The following DTX2 variants were observed in gnomAD, a reference collection of about 807,000 sequenced individuals.
DTX2 encodes deltex E3 ubiquitin ligase 2.
In DTX2, 29 loss-of-function variants were observed where a neutral mutation model predicts 55.3. The observed-to-expected ratio is 0.52, with a 90% CI of 0.39 to 0.71. The LOEUF (loss-of-function observed/expected upper bound fraction) is 0.71. Ranked by LOEUF, DTX2 falls within the 30% of genes least tolerant of loss-of-function variation. The pLI, the probability that DTX2 is intolerant of heterozygous loss-of-function variation, is 0.00. For missense variants in DTX2, 537 were observed against 822.5 expected (o/e 0.65, Z 4.25); for synonymous variants, 276 against 340.4 (o/e 0.81, Z 2.08).
Position 76,483,163 on chromosome 7 carries a change from G to T in DTX2, c.908+16G>T. The T allele has an allele frequency of 6.2e-7, 1 of 1,603,760 alleles. No homozygotes were observed. On this transcript the variant is annotated intron_variant, in intron 4 of 10. Transcript: ENST00000430490. Reference sequence around the variant, plus strand: ...GTGCAGTCAGGTATCGTGGGCAACGGCCGCTCGTTTTGTCTGCCCTGTGTT... The same window carrying T: ...GTGCAGTCAGGTATCGTGGGCAACGTCCGCTCGTTTTGTCTGCCCTGTGTT...
intron 6 of DTX2, among the ~76,000 whole-genome samples, chr7:76,498,511 C>T (rs1419917397): frequency 2.5e-5 from 3 of 122,342 alleles, no homozygotes; most frequent in Non-Finnish European, 3.3e-5. Flanking sequence ...TTCTGAGACA[C>T]GTGGCTAATG....
chr7:76,491,919 C>T, intron 4 of DTX2: 1 of 522,874 alleles, frequency 1.9e-6, no homozygotes, highest in Non-Finnish European at 3.5e-6. Flanking sequence ...AAGTGATCCT[C>T]CCACCTCATC....
rs1479451226 is a variant in DTX2, at chr7:76,489,952, A to T, written c.909-2201A>T. On this transcript the variant is annotated intron_variant, in intron 4 of 10. Coordinates refer to ENST00000430490, the MANE Select transcript of DTX2 (RefSeq NM_001102594.3). The stretch of plus-strand genomic sequence containing the variant: ...AAGTTCCGGAAAAGTTAACAAAAGT[A>T]GTTGGGTTTCCATATCTCCCTCATC... Among the ~76,000 whole-genome samples the T allele has an allele frequency of 1.6e-5, 2 of 127,700 alleles. 1 individual carries two copies. The highest frequency in any genetic ancestry group is 1.6e-4 in the Admixed American group (2 of 12,284). 83.8% of individuals were successfully genotyped at this position (127,700 alleles called of 152,430 possible). A position where few individuals can be genotyped will look rare whatever the true frequency, so the allele number is the denominator to read the frequency against.
At chr7:76,475,499 C>T (rs1808450049) in intron 2 of DTX2, among the ~76,000 whole-genome samples, 1 of 145,466 alleles carries the variant, frequency 6.9e-6, no homozygotes, top group African/African-American at 2.5e-5. Flanking sequence ...CCAACCTGGC[C>T]AATGTGGCAA....
Position 76,505,508 on chromosome 7 carries a change from G to A in DTX2, c.1776G>A (p.Thr592=), listed in dbSNP as rs369985387. The A allele has an allele frequency of 7.1e-5, 115 of 1,609,414 alleles. No homozygotes were observed. The highest frequency in any genetic ancestry group is 8.7e-5 in the Non-Finnish European group (103 of 1,178,176). ...HHKTEMDRNI[T]GHGYPDPNYL... is the part of the protein sequence containing the mutation. ...AGACAGAGATGGACCGCAACATTAC[G>A]GGCCACGGCTATCCCGACCCCAACT... is the stretch of plus-strand genomic sequence containing the variant. The change falls in exon 11 of 11, where the codon ACG becomes ACA. Residue 592 remains threonine (T), a synonymous_variant. Coordinates refer to ENST00000430490, the MANE Select transcript of DTX2 (RefSeq NM_001102594.3). The surrounding 1 kb of genome is among the most constrained non-coding windows in gnomAD (Gnocchi z 4.4).
At chr7:76,502,763 G>A (rs891886018) in intron 8 of DTX2, 23 of 465,698 alleles carry the variant, frequency 4.9e-5, no homozygotes, top group African/African-American at 2.3e-4. Flanking sequence ...CCTCCCCCTC[G>A]GCCACTTGTA....
rs1361590227 is a variant in DTX2 at position 76,494,177 on chromosome 7, C to G, written c.1009+1924C>G. Among the ~76,000 whole-genome samples the G allele has an allele frequency of 7.2e-5, 6 of 83,024 alleles. 2 individuals are homozygous for G. Among genetic ancestry groups the G allele is most frequent in the Admixed American group, 5.8e-4 (5 of 8,580 alleles). The allele number at this position is 83,024 out of a possible 152,430, so 54.5% of individuals were successfully genotyped here. A position where few individuals can be genotyped will look rare whatever the true frequency, so the allele number is the denominator to read the frequency against. On this transcript the variant is annotated intron_variant, in intron 5 of 10. Transcript: ENST00000430490. Reference sequence around the variant, plus strand: ...TGGGTGGAATGGGGTGCCCCTGACCCCTCGTGGGAGCGTGTGTGCCACAGA... The same window carrying G: ...TGGGTGGAATGGGGTGCCCCTGACCGCTCGTGGGAGCGTGTGTGCCACAGA...
chr7:76,472,084 C>T (rs906204789), intron 2 of DTX2: 10 of 150,976 alleles, frequency 6.6e-5, no homozygotes, highest in Middle Eastern at 3.4e-3. Context: ...AGCCCCATCT[C>T]GCCGTGCTCA....
In DTX2 at chr7:76,505,055, T is replaced by A. The variant is rs959532411; in HGVS notation, c.1642-319T>A. Among the ~76,000 whole-genome samples, 1 of 5,688 alleles carries A rather than the reference T, an allele frequency of 1.8e-4. No individual in the cohort carries two copies. The highest frequency in any genetic ancestry group is 5.7e-4 in the African/African-American group (1 of 1,766). 3.7% of individuals were successfully genotyped at this position (5,688 alleles called of 152,430 possible). On this transcript the variant is annotated intron_variant, in intron 10 of 10. Coordinates refer to ENST00000430490, the MANE Select transcript of DTX2 (RefSeq NM_001102594.3). The surrounding 1 kb of genome is among the most constrained non-coding windows in gnomAD (Gnocchi z 4.4). ...GAGGCCTGGATTCCACCAGGGAGGG[T>A]GGGTGGGCGGGCGCTCGTCCAGCAA...
At chr7:76,489,793 A>G (rs1013734634) in intron 4 of DTX2, among the ~76,000 whole-genome samples, 19 of 128,582 alleles carry the variant, frequency 1.5e-4, no homozygotes, top group African/African-American at 5.3e-4. Flanking sequence ...ACTGCACTCC[A>G]GCCTGGGCCA....
intron 5 of DTX2, 127 bp from the exon 6 acceptor site, chr7:76,497,209 AC>A: frequency 1.3e-6 from 1 of 799,824 alleles, no homozygotes; most frequent in Non-Finnish European, 2.0e-6. Flanking sequence ...CCCCAGGGAG[AC>A]CTGTGCGTCC....
At chr7:76,476,752 A>ATC (rs1808586801) in intron 2 of DTX2, among the ~76,000 whole-genome samples, 2 of 151,692 alleles carry the variant, frequency 1.3e-5, no homozygotes, top group Admixed American at 1.3e-4. Context: ...CTAGAATTAG[A>ATC]TGTAGGTATC....
Position 76,468,841 on chromosome 7 carries a change from C to T in DTX2, c.-90+5132C>T, listed in dbSNP as rs370718408. 2.2e-3 allele frequency among the ~76,000 whole-genome samples: 302 copies of T among 136,762 alleles called. 2 individuals are homozygous for T. The highest frequency in any genetic ancestry group is 1.9e-3 in the Non-Finnish European group (125 of 65,340). The allele number at this position is 136,762 out of a possible 152,430, so 89.7% of individuals were successfully genotyped here. A position where few individuals can be genotyped will look rare whatever the true frequency, so the allele number is the denominator to read the frequency against. On this transcript the variant is annotated intron_variant, in intron 2 of 10. Coordinates refer to ENST00000430490, the MANE Select transcript of DTX2 (RefSeq NM_001102594.3). ...ACAGTGGCACAGTCTCGGCTCACTG[C>T]AGCCTCCGCCTCCTGGGTTCAAGTG...
At chr7:76,503,683 C>T (rs1811997413) in intron 9 of DTX2, 96 bp downstream of exon 9, 2 of 1,189,508 alleles carry the variant, frequency 1.7e-6, no homozygotes, top group Non-Finnish European at 2.4e-6. Flanking sequence ...CTGAGGATGC[C>T]CATGTGGCCA....
intron 2 of DTX2, among the ~76,000 whole-genome samples, chr7:76,468,348 C>T (rs1434188766): frequency 1.3e-5 from 2 of 148,254 alleles, no homozygotes; most frequent in Non-Finnish European, 3.0e-5. Context: ...AGAAGTATTG[C>T]TCAACTGTAG....
intron 1 of DTX2, 92 bp downstream of exon 1, chr7:76,461,928 G>A (rs1428503806): frequency 6.6e-6 from 1 of 152,654 alleles, no homozygotes; most frequent in Admixed American, 6.5e-5. Context: ...GCTGGGACCG[G>A]AAGGGGGCGG....
intron 3 of DTX2, among the ~76,000 whole-genome samples, chr7:76,481,801 A>C (rs1398901075): frequency 6.6e-6 from 1 of 150,816 alleles, no homozygotes; most frequent in African/African-American, 2.4e-5. Context: ...TTTTTTTTTC[A>C]ATTTTAATTT....
chr7:76,464,602 G>A (rs1412283491), intron 2 of DTX2, among the ~76,000 whole-genome samples: 3 of 151,898 alleles, frequency 2.0e-5, no homozygotes, highest in Non-Finnish European at 4.4e-5. Flanking sequence ...GCTCTACGTT[G>A]TCCAGGCTGG....
At chr7:76,463,089 T>TA (rs142037291) in intron 1 of DTX2, among the ~76,000 whole-genome samples, 19 of 144,210 alleles carry the variant, frequency 1.3e-4, no homozygotes, top group African/African-American at 4.9e-4. Flanking sequence ...ACAAACAAAC[T>TA]AAAAAAACGA....
Sources: allele counts gnomAD v4.1 joint callset (sites outside exome capture counted in the v4.1 genomes callset), GRCh38; gene constraint gnomAD v4.1.1; non-coding constraint Gnocchi (gnomAD v3.1); transcripts MANE v1.5; gene names NCBI Gene and HGNC (gene_info 2026-07-23, HGNC 2026-07-21).